ANK2: variants seen among roughly 807,000 people sequenced by gnomAD.
ANK2 encodes the protein ankyrin 2.
ANK2 carries 83 observed loss-of-function variants against 360.5 expected under a neutral mutation model. The ratio of observed to expected loss-of-function variants is 0.23; its 90% CI spans 0.19 to 0.28. The LOEUF (loss-of-function observed/expected upper bound fraction) is 0.28, where lower values mean the gene tolerates loss of function less well. ANK2 is among the 10% of genes least tolerant of loss of function. The probability of loss-of-function intolerance (pLI) is 1.00; values close to 1 mark genes in which losing one functional copy is unlikely to be tolerated. For synonymous variants in ANK2, 1,740 were observed against 1,759.5 expected, an observed-to-expected ratio of 0.99 and a Z score of 0.28; for missense variants, 4,201 against 4,795.7, an observed-to-expected ratio of 0.88 and a Z score of 3.66.
the ANK2 span, among the ~76,000 whole-genome samples, chr4:112,775,609 T>A: frequency 6.6e-6 from 1 of 151,196 alleles, no homozygotes; most frequent in Non-Finnish European, 1.5e-5. Flanking sequence ...TTGGGTATCG[T>A]TAACTGAGAA....
chr4:112,774,721 G>A, the ANK2 span, among the ~76,000 whole-genome samples: 2 of 152,288 alleles, frequency 1.3e-5, no homozygotes, highest in South Asian at 2.1e-4. Context: ...GGGTGGAAAC[G>A]GGAGGCCAAG....
chr4:113,026,184 C>T (rs943724455), intron 2 of ANK2, among the ~76,000 whole-genome samples: 3 of 152,098 alleles, frequency 2.0e-5, no homozygotes, highest in Non-Finnish European at 4.4e-5. Flanking sequence ...TAAAAAGGAC[C>T]GCTGCAATTT....
At chr4:112,725,617 C>T in the ANK2 span, among the ~76,000 whole-genome samples, 1 of 152,032 alleles carries the variant, frequency 6.6e-6, no homozygotes, top group African/African-American at 2.4e-5. Context: ...GCCTCAGCCT[C>T]CCAAAGTGCT....
chr4:113,015,068 C>T (rs2056179875), intron 2 of ANK2, among the ~76,000 whole-genome samples: 1 of 151,710 alleles, frequency 6.6e-6, no homozygotes, highest in Non-Finnish European at 1.5e-5. Context: ...CTGTGTTAGC[C>T]AGGATGGCCT....
chr4:113,306,699 AT>A (rs1432668401), intron 23 of ANK2, among the ~76,000 whole-genome samples: 1 of 152,138 alleles, frequency 6.6e-6, no homozygotes, highest in African/African-American at 2.4e-5. Flanking sequence ...ATATATATAT[AT>A]ATTTTCAGTT....
At chr4:113,323,689 TTC>T in intron 26 of ANK2, 1 of 1,462,330 alleles carries the variant, frequency 6.8e-7, no homozygotes, top group South Asian at 1.3e-5. Flanking sequence ...AATAAGTCAC[TTC>T]TGAGTTCCTT....
chr4:112,877,165 T>C (rs1262747065), intron 1 of ANK2, among the ~76,000 whole-genome samples: 1 of 152,206 alleles, frequency 6.6e-6, no homozygotes, highest in African/African-American at 2.4e-5. Context: ...TATTTTACTT[T>C]ATCATCTATT....
chr4:113,355,333 A>G lies in ANK2; in HGVS notation c.6715A>G (p.Thr2239Ala). 2 of 1,613,976 alleles carry G rather than the reference A, an allele frequency of 1.2e-6. No homozygotes were observed. The highest frequency in any genetic ancestry group is 1.1e-5 in the South Asian group (1 of 91,068). The change falls in exon 38 of 46, where the codon ACC (threonine) becomes GCC (alanine). Residue 2239 changes from threonine (T) to alanine (A), a missense_variant. Around this residue, in one of 4 missense-constraint regions of ANK2, gnomAD observed 2,642 missense variants for 2,714.5 expected, o/e 0.97. Coordinates refer to ENST00000357077, the MANE Select transcript of ANK2 (RefSeq NM_001148.6). The stretch of plus-strand genomic sequence containing the variant: ...CTATAAGCATGAAGGCCTAGCAGAG[A>G]CCCCTGAGACGAGCCCAGAAAGCCT... ...ESYKHEGLAETPETSPESLSF... is the reference protein window; with the variant it reads ...ESYKHEGLAEAPETSPESLSF...
intron 4 of ANK2, among the ~76,000 whole-genome samples, chr4:113,227,720 C>G (rs544681791): frequency 6.6e-6 from 1 of 152,272 alleles, no homozygotes; most frequent in Admixed American, 6.5e-5. Flanking sequence ...CTGTCACTCC[C>G]AGATCACTTA....
At chr4:112,995,645 G>T (rs912928138) in intron 2 of ANK2, among the ~76,000 whole-genome samples, 3 of 152,048 alleles carry the variant, frequency 2.0e-5, no homozygotes, top group Non-Finnish European at 4.4e-5. Flanking sequence ...TGCTTTTGGG[G>T]ACTTAGTTAC....
At chr4:113,315,610 T>C (rs781091904) in intron 24 of ANK2, among the ~76,000 whole-genome samples, 4 of 152,134 alleles carry the variant, frequency 2.6e-5, no homozygotes, top group African/African-American at 7.2e-5. Context: ...TAAGAGTTGC[T>C]GATCTAGCCC....
intron 1 of ANK2, chr4:113,160,301 A>T (rs1164557204): frequency 2.4e-6 from 1 of 412,876 alleles, no homozygotes; most frequent in Non-Finnish European, 4.8e-6. Flanking sequence ...CTGGAGCTCA[A>T]GTGATCCTCT....
In ANK2 at chr4:112,984,565, G is replaced by A. The variant is rs1196337701; in HGVS notation, c.21+80051G>A. 2.6e-5 allele frequency among the ~76,000 whole-genome samples: 4 copies of A among 152,138 alleles called. No homozygotes were observed. The South Asian group carries it at 8.3e-4, about 32-fold the overall frequency. ...CACGTGGGAATCCAAGATGAGATTT[G>A]GGTGGGGACACAGCCAAATCATATC... On this transcript the variant is annotated intron_variant, in intron 2 of 30. Transcript: ENST00000503271.
intron 1 of ANK2, among the ~76,000 whole-genome samples, chr4:112,890,908 TC>T (rs1459891196): frequency 3.3e-5 from 5 of 152,204 alleles, no homozygotes; most frequent in African/African-American, 1.2e-4. Context: ...TTAGGTGCTA[TC>T]CAAAGACTTT....
chr4:113,245,138 T>TA (rs1355727280), intron 9 of ANK2, among the ~76,000 whole-genome samples: 57 of 152,132 alleles, frequency 3.7e-4, no homozygotes, highest in Admixed American at 7.2e-4. Context: ...AGAAGGATTT[T>TA]AAAAGCATTG....
the ANK2 span, among the ~76,000 whole-genome samples, chr4:112,810,178 T>TGGTAGCAATGGGG: frequency 8.3e-6 from 1 of 121,058 alleles, no homozygotes; most frequent in Admixed American, 8.8e-5. Context: ...TTTTTTTTTT[T>TGGTAGCAATGGGG]TTTTGTAGCA....
At chr4:112,994,646 A>G (rs554304363) in intron 2 of ANK2, among the ~76,000 whole-genome samples, 1 of 152,262 alleles carries the variant, frequency 6.6e-6, no homozygotes, top group Admixed American at 6.5e-5. Flanking sequence ...TACATGTGCA[A>G]TCTTGTTACA....
intron 1 of ANK2, among the ~76,000 whole-genome samples, chr4:112,824,136 C>CGTCT (rs1491299555): frequency 4.9e-4 from 73 of 148,062 alleles, no homozygotes; most frequent in Non-Finnish European, 8.6e-4. Context: ...AGGTCTTCAG[C>CGTCT]ATCTATCTAT....
At chr4:113,227,252 T>C (rs2099235208) in intron 4 of ANK2, among the ~76,000 whole-genome samples, 1 of 152,154 alleles carries the variant, frequency 6.6e-6, no homozygotes, top group South Asian at 2.1e-4. Context: ...TTCACATGTT[T>C]TGTAACAATA....
Sources: gnomAD v4.1 joint callset for allele counts (sites outside exome capture counted in the v4.1 genomes callset) on GRCh38, gnomAD v4.1.1 for gene constraint, gnomAD v4.1.1 regional missense constraint, MANE v1.5 for transcripts, NCBI Gene and HGNC (gene_info 2026-07-23, HGNC 2026-07-21) for gene names.